The following GNG7 variants were observed in gnomAD, a reference collection of about 807,000 sequenced individuals.
The protein encoded by GNG7 is guanine nucleotide-binding protein G(I)/G(S)/G(O) subunit gamma-7.
Under a neutral mutation model 4.0 loss-of-function variants are expected in GNG7, and 1 was observed. The observed-to-expected ratio is 0.25, with a 90% CI of 0.09 to 1.18. The LOEUF (loss-of-function observed/expected upper bound fraction) is 1.18. Ranked by LOEUF, GNG7 falls within the 50% of genes most tolerant of loss-of-function variation. GNG7 has a pLI of 0.50. For synonymous variants in GNG7, 34 were observed against 36.9 expected (o/e 0.92, Z 0.29); for missense variants, 86 against 91.9 (o/e 0.94, Z 0.26).
At chr19:2,564,342 A>C (rs1979836698) in intron 2 of GNG7, among the ~76,000 whole-genome samples, 1 of 152,100 alleles carries the variant, frequency 6.6e-6, no homozygotes, top group South Asian at 2.1e-4. Context: ...GAACTTTGGG[A>C]GGCCGAGGCG....
In GNG7 at chr19:2,677,253, A is replaced by ATTTTT. The variant is rs60983729; in HGVS notation, c.-135+25388_-135+25392dup. On this transcript the variant is annotated intron_variant, in intron 1 of 4. Coordinates refer to ENST00000382159, the MANE Select transcript of GNG7 (RefSeq NM_052847.3). ...ATGCCACAGGGGAGCAGAGAATTCC[A>ATTTTT]TTTTTTTTTTTTTGCTTCAATTCCT... 4.7e-3 allele frequency among the ~76,000 whole-genome samples: 690 copies of ATTTTT among 145,572 alleles called. 7 individuals carry two copies. The highest frequency in any genetic ancestry group is 0.016 in the African/African-American group (632 of 38,904).
intron 3 of GNG7, among the ~76,000 whole-genome samples, chr19:2,545,614 A>C (rs1207266916): frequency 7.2e-6 from 1 of 139,184 alleles, no homozygotes; most frequent in Non-Finnish European, 1.5e-5. Flanking sequence ...TTGCGCCACT[A>C]TACTCCAGCC....
At chr19:2,649,604 G>T (rs1599441449) in intron 1 of GNG7, among the ~76,000 whole-genome samples, 1 of 151,974 alleles carries the variant, frequency 6.6e-6, no homozygotes, top group East Asian at 1.9e-4. Context: ...TGGTCAGGCT[G>T]GTCTTGAGCC....
chr19:2,655,756 G>A (rs948720464), intron 1 of GNG7, among the ~76,000 whole-genome samples: 5 of 149,624 alleles, frequency 3.3e-5, no homozygotes, highest in East Asian at 2.0e-4. Context: ...AGAGAATGGC[G>A]TGAACCCGGG....
At chr19:2,571,590 T>TTA (rs1980149574) in intron 2 of GNG7, among the ~76,000 whole-genome samples, 3 of 105,904 alleles carry the variant, frequency 2.8e-5, no homozygotes, top group Non-Finnish European at 5.4e-5. Flanking sequence ...TTTCTTTCCT[T>TTA]TTTTTTTTTT....
intron 1 of GNG7, among the ~76,000 whole-genome samples, chr19:2,659,736 G>A (rs1446873705): frequency 2.8e-5 from 4 of 142,706 alleles, no homozygotes; most frequent in Admixed American, 7.1e-5. Context: ...GAATGAGTGT[G>A]AGCGAGGGAG....
intron 2 of GNG7, among the ~76,000 whole-genome samples, chr19:2,583,428 G>T (rs967698531): frequency 6.6e-6 from 1 of 152,234 alleles, no homozygotes; most frequent in Admixed American, 6.5e-5. Flanking sequence ...TTCATGGGGT[G>T]AGGTTGGGGA....
Position 2,672,559 on chromosome 19 carries a change from GCCTCA to G in GNG7, c.-134-26284_-134-26280del, listed in dbSNP as rs571093159. The stretch of plus-strand genomic sequence containing the variant: ...CCTCCCATGTTGAAGCAATTCTCCT[GCCTCA>G]GCCTCCTGAGTAGCTGGGATTACAA... On this transcript the variant is annotated intron_variant, in intron 1 of 4. Transcript: ENST00000382159. Among the ~76,000 whole-genome samples the G allele has an allele frequency of 1.5e-3, 227 of 151,960 alleles. 2 individuals are homozygous for G. The highest frequency in any genetic ancestry group is 5.3e-3 in the African/African-American group (218 of 41,438).
At chr19:2,662,066 C>T (rs374000488) in intron 1 of GNG7, among the ~76,000 whole-genome samples, 22 of 152,032 alleles carry the variant, frequency 1.4e-4, no homozygotes, top group Non-Finnish European at 2.8e-4. Context: ...TTGAGACCAG[C>T]GTGACCAACA....
In GNG7 at chr19:2,618,413, A is replaced by C. The variant is rs1278234308; in HGVS notation, c.-78+27811T>G. On this transcript the variant is annotated intron_variant, in intron 2 of 4. Coordinates refer to ENST00000382159, the MANE Select transcript of GNG7 (RefSeq NM_052847.3). This position sits in a 1 kb window ranked among gnomAD's most constrained non-coding sequence, Gnocchi z 5.1. The stretch of plus-strand genomic sequence containing the variant: ...GCCCAGGCTGGAGTGCAGTGGTGCA[A>C]CCTCAGCTCACTGCAACCTGCACCT... Among the ~76,000 whole-genome samples, 1 of 150,104 alleles carries C rather than the reference A, an allele frequency of 6.7e-6. No individual in the cohort carries two copies. Among genetic ancestry groups the C allele is most frequent in the Non-Finnish European group, 1.5e-5 (1 of 67,678 alleles).
At chr19:2,519,319 C>CT (rs771402256) in intron 4 of GNG7, among the ~76,000 whole-genome samples, 9 of 147,428 alleles carry the variant, frequency 6.1e-5, no homozygotes, top group East Asian at 4.1e-4. Context: ...CCCGGGTAAT[C>CT]TTTTTTTTGT....
intron 1 of GNG7, among the ~76,000 whole-genome samples, chr19:2,670,973 A>G (rs975541029): frequency 1.3e-5 from 2 of 152,028 alleles, no homozygotes; most frequent in Non-Finnish European, 2.9e-5. Flanking sequence ...GAGGGGGTGA[A>G]TCCCAGGAGC....
intron 2 of GNG7, among the ~76,000 whole-genome samples, chr19:2,571,318 G>T (rs561856940): frequency 6.6e-6 from 1 of 152,126 alleles, no homozygotes; most frequent in Non-Finnish European, 1.5e-5. Flanking sequence ...GCTACCTGCT[G>T]ATGCGACAAT....
At chr19:2,560,096 C>T (rs942774387) in intron 2 of GNG7, among the ~76,000 whole-genome samples, 1 of 151,852 alleles carries the variant, frequency 6.6e-6, no homozygotes, top group Non-Finnish European at 1.5e-5. Context: ...GCTCAGGGAA[C>T]GCACGTCCAT....
At chr19:2,684,456 G>GTC (rs1983821992) in intron 1 of GNG7, among the ~76,000 whole-genome samples, 1 of 151,818 alleles carries the variant, frequency 6.6e-6, no homozygotes, top group Non-Finnish European at 1.5e-5. Context: ...TGTTGATGGA[G>GTC]GCCCCAAAGT....
At chr19:2,699,614 T>C (rs983346906) in intron 1 of GNG7, among the ~76,000 whole-genome samples, 6 of 152,160 alleles carry the variant, frequency 3.9e-5, no homozygotes, top group African/African-American at 1.2e-4. Flanking sequence ...AAATCAGTTT[T>C]GTCTATAACA....
At chr19:2,549,289 C>CTG (rs1259186474) in intron 3 of GNG7, among the ~76,000 whole-genome samples, 1 of 128,836 alleles carries the variant, frequency 7.8e-6, no homozygotes, top group African/African-American at 3.0e-5. Flanking sequence ...TTAAACAGGG[C>CTG]TGTGTTTTTT....
chr19:2,538,563 G>A (rs1978828026), intron 3 of GNG7: 1 of 356,746 alleles, frequency 2.8e-6, no homozygotes, highest in Non-Finnish European at 5.4e-6. Flanking sequence ...CCCAGGAGTT[G>A]GAAGCTGAAG....
At chr19:2,629,811 C>T (rs532540314) in intron 2 of GNG7, among the ~76,000 whole-genome samples, 1 of 152,164 alleles carries the variant, frequency 6.6e-6, no homozygotes, top group African/African-American at 2.4e-5. Flanking sequence ...TTCCTGCACA[C>T]CCATAAATAA....
Sources: allele counts gnomAD v4.1 joint callset (sites outside exome capture counted in the v4.1 genomes callset), GRCh38; gene constraint gnomAD v4.1.1; non-coding constraint Gnocchi (gnomAD v3.1); transcripts MANE v1.5; gene names NCBI Gene and HGNC (gene_info 2026-07-23, HGNC 2026-07-21).